Variants in KIF6 observed in about 807,000 individuals in gnomAD.
KIF6 encodes the protein kinesin-like protein KIF6.
A neutral mutation model predicts 112.7 loss-of-function variants in KIF6; 106 were observed. The observed-to-expected ratio is 0.94, with a 90% CI of 0.80 to 1.11. KIF6 has a LOEUF of 1.11. KIF6 is among the 50% of genes least tolerant of loss of function. The pLI is 0.00. For synonymous variants in KIF6, 339 were observed against 339.9 expected (o/e 1.00, Z 0.03); for missense variants, 929 against 964.0 (o/e 0.96, Z 0.48).
chr6:39,499,664 C>T (rs1776005734), intron 13 of KIF6, among the ~76,000 whole-genome samples: 1 of 152,146 alleles, frequency 6.6e-6, no homozygotes, highest in African/African-American at 2.4e-5. Context: ...AAATGTTTGG[C>T]TTGAGAATAT....
intron 13 of KIF6, among the ~76,000 whole-genome samples, chr6:39,453,290 C>T (rs1433910672): frequency 6.6e-6 from 1 of 152,210 alleles, no homozygotes; most frequent in African/African-American, 2.4e-5. Context: ...GGTGTATTAA[C>T]ACTGCCCAGG....
intron 13 of KIF6, among the ~76,000 whole-genome samples, chr6:39,532,187 C>G (rs1182025622): frequency 6.6e-6 from 1 of 152,046 alleles, no homozygotes; most frequent in Non-Finnish European, 1.5e-5. Context: ...TGTACATACT[C>G]TGAGGTCAGA....
chr6:39,425,451 T>C (rs1467360553), intron 14 of KIF6, among the ~76,000 whole-genome samples: 1 of 152,036 alleles, frequency 6.6e-6, no homozygotes, highest in Non-Finnish European at 1.5e-5. Flanking sequence ...TTATGCTTTT[T>C]AAAAAATGCT....
chr6:39,613,476 C>T (rs1194186450), intron 5 of KIF6, among the ~76,000 whole-genome samples, 158 bp from the exon 6 acceptor site: 2 of 152,148 alleles, frequency 1.3e-5, no homozygotes, highest in African/African-American at 2.4e-5. Context: ...TAGAATCAAA[C>T]ACTGACATTC....
At chr6:39,723,065 C>T (rs1049549970) in intron 1 of KIF6, among the ~76,000 whole-genome samples, 22 of 152,186 alleles carry the variant, frequency 1.4e-4, no homozygotes, top group African/African-American at 4.1e-4. Flanking sequence ...TAGATAAGCT[C>T]AACAGTTTAA....
At chr6:39,344,046 TG>T (rs1359431662) in intron 21 of KIF6, among the ~76,000 whole-genome samples, 1 of 152,188 alleles carries the variant, frequency 6.6e-6, no homozygotes, top group East Asian at 1.9e-4. Flanking sequence ...ATGGTTTGGC[TG>T]TGTCCTCACC....
intron 13 of KIF6, among the ~76,000 whole-genome samples, chr6:39,538,594 T>C (rs1302579337): frequency 2.0e-5 from 3 of 150,800 alleles, no homozygotes; most frequent in Non-Finnish European, 4.4e-5. Flanking sequence ...TGTGGAGAAA[T>C]AGGAACACTT....
chr6:39,578,076 G>A lies in KIF6; in HGVS notation c.1161C>T (p.Leu387=), dbSNP rs767860370. 1.9e-6 allele frequency: 3 copies of A among 1,613,418 alleles called. No homozygotes were observed. The Admixed American group carries it at 5.0e-5, about 27-fold the overall frequency. The stretch of plus-strand genomic sequence containing the variant: ...CTTACTGAAGGAGCTCTGCTTCTGT[G>A]AGTGCCTCTGTCCTCTGCTCCCCAG... ...MVTGEQRTEA[L]TEAELLQLEK... Residue 387 remains leucine, a synonymous_variant, in exon 10 of 23, where the codon CTC becomes CTT. Coordinates refer to ENST00000287152, the MANE Select transcript of KIF6 (RefSeq NM_145027.6).
intron 3 of KIF6, among the ~76,000 whole-genome samples, chr6:39,654,045 G>T (rs868558282): frequency 6.6e-6 from 1 of 152,122 alleles, no homozygotes; most frequent in African/African-American, 2.4e-5. Flanking sequence ...GGACGTGGGG[G>T]CCTATGTAAT....
chr6:39,678,692 A>T (rs2113764123), intron 3 of KIF6, among the ~76,000 whole-genome samples: 1 of 152,328 alleles, frequency 6.6e-6, no homozygotes, highest in South Asian at 2.1e-4. Flanking sequence ...TTCACTCAGC[A>T]ACAAAGACCT....
rs1764181475 is a variant in KIF6 at position 39,350,774 on chromosome 6, T to C, written c.2181-4248A>G. Among the ~76,000 whole-genome samples, 4 of 152,234 alleles carry C rather than the reference T, an allele frequency of 2.6e-5. No homozygotes were observed. In the South Asian group the frequency reaches 8.3e-4, roughly 32 times the overall value. On this transcript the variant is annotated intron_variant, in intron 19 of 22. Coordinates refer to ENST00000287152, the MANE Select transcript of KIF6 (RefSeq NM_145027.6). The stretch of plus-strand genomic sequence containing the variant: ...ATTTCTTTGTCAGAGGTGGAGCCCC[T>C]AGAGCTCTTCCTTTCCAGTCTCTGG...
intron 13 of KIF6, among the ~76,000 whole-genome samples, chr6:39,507,579 T>C (rs1280641890): frequency 6.6e-6 from 1 of 151,618 alleles, no homozygotes; most frequent in African/African-American, 2.4e-5. Flanking sequence ...ACCTACCATA[T>C]AACTGCTTGA....
At chr6:39,403,327 G>A (rs1057139345) in intron 15 of KIF6, among the ~76,000 whole-genome samples, 4 of 152,050 alleles carry the variant, frequency 2.6e-5, no homozygotes, top group Admixed American at 2.6e-4. Flanking sequence ...AGGCCATGTT[G>A]GACTCACACC....
chr6:39,707,113 T>A (rs898337276), intron 3 of KIF6, among the ~76,000 whole-genome samples: 1 of 152,242 alleles, frequency 6.6e-6, no homozygotes, highest in African/African-American at 2.4e-5. Flanking sequence ...TGTGTATAGT[T>A]CTATGCCGTT....
At chr6:39,444,626 G>A (rs1179525444) in intron 13 of KIF6, among the ~76,000 whole-genome samples, 2 of 151,920 alleles carry the variant, frequency 1.3e-5, no homozygotes, top group African/African-American at 4.8e-5. Flanking sequence ...CCAGATGTTG[G>A]GCTCTATACC....
intron 16 of KIF6, among the ~76,000 whole-genome samples, chr6:39,375,388 T>C (rs1385088763): frequency 6.6e-6 from 1 of 152,230 alleles, no homozygotes; most frequent in East Asian, 1.9e-4. Flanking sequence ...GCAATGAATA[T>C]GTTAATTAGC....
At chr6:39,575,979 G>C (rs575761944) in intron 10 of KIF6, among the ~76,000 whole-genome samples, 1 of 152,234 alleles carries the variant, frequency 6.6e-6, no homozygotes, top group East Asian at 1.9e-4. Flanking sequence ...GTTTATCCCA[G>C]TGCTATAATT....
intron 13 of KIF6, among the ~76,000 whole-genome samples, chr6:39,494,624 G>A (rs565925536): frequency 6.6e-5 from 10 of 152,204 alleles, no homozygotes; most frequent in East Asian, 5.8e-4. Flanking sequence ...ATGTTCCGAC[G>A]TAAAAGAATG....
chr6:39,613,318 C>T lies in KIF6; in HGVS notation c.510G>A (p.Pro170=). Residue 170 remains proline, a splice_region_variant and synonymous_variant, in exon 6 of 23, where the codon CCG becomes CCA. Coordinates refer to ENST00000287152, the MANE Select transcript of KIF6 (RefSeq NM_145027.6). ...RHEASSLEDL[P]KVTILEDPDQ... ...CAGGATCCTCCAGTATTGTCACTTT[C>T]CTAAGCAAATGGGAAGCAAGAAAAC... 2 of 1,573,522 alleles carry T rather than the reference C, an allele frequency of 1.3e-6. No individual in the cohort carries two copies. The highest frequency in any genetic ancestry group is 2.4e-5 in the South Asian group (2 of 83,902).
Sources: gnomAD v4.1 joint callset for allele counts (sites outside exome capture counted in the v4.1 genomes callset) on GRCh38, gnomAD v4.1.1 for gene constraint, MANE v1.5 for transcripts, NCBI Gene and HGNC (gene_info 2026-07-23, HGNC 2026-07-21) for gene names.